The following ST6GALNAC5 variants were observed in gnomAD, a reference collection of about 807,000 sequenced individuals.
ST6GALNAC5 encodes the protein ST6 N-acetylgalactosaminide alpha-2,6-sialyltransferase 5.
In ST6GALNAC5, 27 loss-of-function variants were observed where a neutral mutation model predicts 33.6. That is an observed-to-expected ratio of 0.80 (90% CI 0.59 to 1.11). ST6GALNAC5 has a LOEUF of 1.11. Ranked by LOEUF, ST6GALNAC5 falls within the 50% of genes least tolerant of loss-of-function variation. The pLI, the probability that ST6GALNAC5 is intolerant of heterozygous loss-of-function variation, is 0.00. For missense variants in ST6GALNAC5, 428 were observed against 454.0 expected (o/e 0.94, Z 0.52); for synonymous variants, 194 against 171.2 (o/e 1.13, Z -1.04).
At chr1:77,045,382 T>C (rs529553415) in intron 3 of ST6GALNAC5, among the ~76,000 whole-genome samples, 2 of 152,266 alleles carry the variant, frequency 1.3e-5, no homozygotes, top group South Asian at 4.1e-4. Context: ...GAGATGGAGA[T>C]AGATGGATAG....
intron 2 of ST6GALNAC5, among the ~76,000 whole-genome samples, chr1:76,903,802 T>G (rs56343152): frequency 0.015 from 2,241 of 152,220 alleles, 34 homozygotes; most frequent in Non-Finnish European, 0.021. Context: ...CTAAGTTAAA[T>G]AAGACAGCCA....
intron 2 of ST6GALNAC5, among the ~76,000 whole-genome samples, chr1:77,022,334 A>G (rs1651085593): frequency 6.6e-6 from 1 of 152,218 alleles, no homozygotes; most frequent in African/African-American, 2.4e-5. Context: ...TTACCTTTCC[A>G]GACCCAAGAA....
rs569099636 is a variant in ST6GALNAC5 at position 76,906,181 on chromosome 1, C to T, written c.261+37439C>T. ...AATGTTTTTTAAAAAAGCCTGCCAA[C>T]ACTTCTTTCTGCTGGGCACTGATAT... On this transcript the variant is annotated intron_variant, in intron 2 of 4. Transcript: ENST00000477717. Among the ~76,000 whole-genome samples, 40 of 152,278 alleles carry T rather than the reference C, an allele frequency of 2.6e-4. 1 individual carries two copies. The highest frequency in any genetic ancestry group is 8.7e-4 in the African/African-American group (36 of 41,554).
Position 76,981,311 on chromosome 1 carries a change from A to G in ST6GALNAC5, c.262-62893A>G, listed in dbSNP as rs914662275. Reference sequence around the variant, plus strand: ...AATACTGTGCTTTTCCCAAGGTCTTAGCAACTGGCAGACAAGGTGATTCTC... The same window carrying G: ...AATACTGTGCTTTTCCCAAGGTCTTGGCAACTGGCAGACAAGGTGATTCTC... On this transcript the variant is annotated intron_variant, in intron 2 of 4. Transcript: ENST00000477717. Among the ~76,000 whole-genome samples, 3 of 152,240 alleles carry G rather than the reference A, an allele frequency of 2.0e-5. No individual in the cohort carries two copies. The South Asian group carries it at 6.2e-4, about 31-fold the overall frequency.
rs1018491574 is a variant in ST6GALNAC5, at chr1:77,065,930, A to G, written c.*2724A>G. On this transcript the variant is annotated 3_prime_UTR_variant, in exon 5 of 5. Transcript: ENST00000477717. ...AAGAACATTTGGCAGAGGCCATTAC[A>G]ATAGATAGCCATTATGGGCAAAGAT... Among the ~76,000 whole-genome samples, 12 of 152,228 alleles carry G rather than the reference A, an allele frequency of 7.9e-5. No homozygotes were observed. The highest frequency in any genetic ancestry group is 2.9e-4 in the African/African-American group (12 of 41,462).
chr1:76,868,682 C>A lies in ST6GALNAC5; in HGVS notation c.201C>A (p.Arg67=). 1 of 1,555,356 alleles carries A rather than the reference C, an allele frequency of 6.4e-7. No individual in the cohort carries two copies. Among genetic ancestry groups the A allele is most frequent in the Middle Eastern group, 1.7e-4 (1 of 5,940 alleles). ...CGGCGGAGAGCAGCACCCAGCAGCG[C>A]CCCGGGGTCCCCGCGGGACCGCGGC... The part of the protein sequence containing the change: ...QPAAESSTQQ[R]PGVPAGPRPL... Residue 67 remains arginine, a synonymous_variant, in exon 2 of 5, where the codon CGC becomes CGA. Transcript: ENST00000477717. The surrounding 1 kb of genome is among the most constrained non-coding windows in gnomAD (Gnocchi z 4.3).
rs1485777305 is a variant in ST6GALNAC5, at chr1:77,004,564, G to T, written c.262-39640G>T. 2.2e-5 allele frequency among the ~76,000 whole-genome samples: 3 copies of T among 136,490 alleles called. No individual in the cohort carries two copies. The South Asian group carries it at 7.4e-4, about 34-fold the overall frequency. 89.5% of individuals were successfully genotyped at this position (136,490 alleles called of 152,430 possible). A position where few individuals can be genotyped will look rare whatever the true frequency, so the allele number is the denominator to read the frequency against. On this transcript the variant is annotated intron_variant, in intron 2 of 4. Transcript: ENST00000477717. Reference sequence around the variant, plus strand: ...TGCGTTCCTTTGGAGGAGGAGAGGCGCTCTGTGTTTTAGAGTTTCCAGTTT... The same window carrying T: ...TGCGTTCCTTTGGAGGAGGAGAGGCTCTCTGTGTTTTAGAGTTTCCAGTTT...
chr1:76,894,359 C>T (rs1177470258), intron 2 of ST6GALNAC5, among the ~76,000 whole-genome samples: 1 of 152,136 alleles, frequency 6.6e-6, no homozygotes, highest in Non-Finnish European at 1.5e-5. Flanking sequence ...TGCCACCACC[C>T]CTGTGGCAGC....
chr1:76,916,420 A>G (rs1310635448), intron 2 of ST6GALNAC5, among the ~76,000 whole-genome samples: 2 of 152,198 alleles, frequency 1.3e-5, no homozygotes, highest in African/African-American at 4.8e-5. Flanking sequence ...CAAGTGCTAT[A>G]CATTGGTCTT....
chr1:77,045,318 A>G (rs1300891731), intron 3 of ST6GALNAC5, among the ~76,000 whole-genome samples: 1 of 152,236 alleles, frequency 6.6e-6, no homozygotes, highest in African/African-American at 2.4e-5. Flanking sequence ...CATTCATCCC[A>G]CATAGTAAGT....
At position 77,008,709 on chromosome 1, in the gene ST6GALNAC5, G is replaced by T. The variant is rs543025392; in HGVS notation, c.262-35495G>T. Among the ~76,000 whole-genome samples, 505 of 152,038 alleles carry T rather than the reference G, an allele frequency of 3.3e-3. 10 individuals are homozygous for T. Among genetic ancestry groups the T allele is most frequent in the African/African-American group, 0.012 (486 of 41,444 alleles). On this transcript the variant is annotated intron_variant, in intron 2 of 4. Transcript: ENST00000477717. The stretch of plus-strand genomic sequence containing the variant: ...CACACCCGGTTAATTTTTGTATTTT[G>T]AGTAGAGACTGGGTTTCACCATGTT...
intron 2 of ST6GALNAC5, among the ~76,000 whole-genome samples, chr1:76,956,573 T>G (rs1265859673): frequency 6.6e-6 from 1 of 152,166 alleles, no homozygotes; most frequent in Non-Finnish European, 1.5e-5. Flanking sequence ...CATTGTTTCT[T>G]TGTCTCACTC....
intron 2 of ST6GALNAC5, among the ~76,000 whole-genome samples, chr1:76,981,926 G>A (rs1829752): frequency 0.51 from 77,482 of 152,060 alleles, 21,836 homozygotes; most frequent in East Asian, 0.73. Context: ...AGACCTGACC[G>A]TTAGAAGGAA....
At chr1:76,975,229 T>A (rs1648959658) in intron 2 of ST6GALNAC5, among the ~76,000 whole-genome samples, 1 of 152,194 alleles carries the variant, frequency 6.6e-6, no homozygotes, top group African/African-American at 2.4e-5. Context: ...GTAGATACAT[T>A]ATCCCATAGT....
chr1:76,991,540 T>G (rs1371767835), intron 2 of ST6GALNAC5, among the ~76,000 whole-genome samples: 1 of 152,198 alleles, frequency 6.6e-6, no homozygotes, highest in African/African-American at 2.4e-5. Flanking sequence ...ACAGGCCTCC[T>G]CTTTCCACCC....
intron 2 of ST6GALNAC5, among the ~76,000 whole-genome samples, chr1:76,978,036 A>G (rs1570730194): frequency 6.6e-6 from 1 of 152,262 alleles, no homozygotes; most frequent in Admixed American, 6.5e-5. Flanking sequence ...GTGAGGTAAT[A>G]GCTCATAGTA....
At chr1:76,901,609 T>C (rs1461113911) in intron 2 of ST6GALNAC5, among the ~76,000 whole-genome samples, 2 of 152,154 alleles carry the variant, frequency 1.3e-5, no homozygotes, top group African/African-American at 4.8e-5. Flanking sequence ...TTTGGGAATA[T>C]AAGGCCTTTT....
At chr1:76,919,107 A>G (rs1281008745) in intron 2 of ST6GALNAC5, among the ~76,000 whole-genome samples, 1 of 152,090 alleles carries the variant, frequency 6.6e-6, no homozygotes, top group African/African-American at 2.4e-5. Flanking sequence ...TTACCCCTTC[A>G]AATTCATCTT....
chr1:76,967,726 T>C (rs866709521), intron 2 of ST6GALNAC5, among the ~76,000 whole-genome samples: 22 of 152,230 alleles, frequency 1.4e-4, no homozygotes, highest in Non-Finnish European at 2.5e-4. Flanking sequence ...GTTAGTGCTA[T>C]AAATTTCCCT....
Sources: allele counts gnomAD v4.1 joint callset (sites outside exome capture counted in the v4.1 genomes callset), GRCh38; gene constraint gnomAD v4.1.1; non-coding constraint Gnocchi (gnomAD v3.1); transcripts MANE v1.5; gene names NCBI Gene and HGNC (gene_info 2026-07-23, HGNC 2026-07-21).